Variants in KCNMA1 observed in about 807,000 individuals in gnomAD.
KCNMA1 encodes potassium calcium-activated channel subfamily M alpha 1.
KCNMA1 carries 29 observed loss-of-function variants against 140.0 expected under a neutral mutation model. The ratio of observed to expected loss-of-function variants is 0.21; its 90% CI spans 0.15 to 0.28. The LOEUF is 0.28. Among genes scored for constraint, KCNMA1 ranks in the 10% least tolerant of loss-of-function variants. The pLI is 1.00. For synonymous variants in KCNMA1, 612 were observed against 611.9 expected (o/e 1.00, Z 0.00); for missense variants, 880 against 1,602.2 (o/e 0.55, Z 7.70).
intron 25 of KCNMA1, chr10:76,904,699 T>C (rs1336204913): frequency 1.3e-5 from 2 of 152,160 alleles, no homozygotes; most frequent in African/African-American, 4.8e-5. Context: ...TCAATAACGA[T>C]GGTTCAGTGT....
chr10:77,053,773 C>T (rs887025797), intron 14 of KCNMA1, among the ~76,000 whole-genome samples: 1 of 152,160 alleles, frequency 6.6e-6, no homozygotes. Flanking sequence ...CAGCACCTAC[C>T]TCCATCTCTT....
At chr10:77,382,654 C>T (rs1465342557) in intron 2 of KCNMA1, among the ~76,000 whole-genome samples, 1 of 151,844 alleles carries the variant, frequency 6.6e-6, no homozygotes, top group Non-Finnish European at 1.5e-5. Context: ...CACCTGAGGT[C>T]AGGAGTTTGA....
intron 3 of KCNMA1, among the ~76,000 whole-genome samples, chr10:77,189,173 T>C (rs1025374233): frequency 1.3e-5 from 2 of 152,118 alleles, no homozygotes; most frequent in Non-Finnish European, 2.9e-5. Context: ...ATGCTGCTTA[T>C]CTGGGAACAC....
At chr10:77,078,454 C>T (rs992302466) in intron 13 of KCNMA1, among the ~76,000 whole-genome samples, 6 of 152,206 alleles carry the variant, frequency 3.9e-5, no homozygotes, top group Non-Finnish European at 8.8e-5. Flanking sequence ...TAGACTCTGA[C>T]TTTTGTCTTC....
chr10:77,073,417 C>T (rs2096278018), intron 13 of KCNMA1, among the ~76,000 whole-genome samples, 165 bp from the exon 14 acceptor site: 1 of 152,180 alleles, frequency 6.6e-6, no homozygotes, highest in African/African-American at 2.4e-5. Context: ...AACTCTTCTG[C>T]TCATCACACT....
chr10:77,279,732 G>T (rs1425169742), intron 2 of KCNMA1, among the ~76,000 whole-genome samples: 1 of 152,158 alleles, frequency 6.6e-6, no homozygotes, highest in Non-Finnish European at 1.5e-5. Context: ...CCAATGGGAG[G>T]TAATTAAATC....
intron 5 of KCNMA1, among the ~76,000 whole-genome samples, chr10:77,165,862 G>C (rs1410658919): frequency 6.6e-6 from 1 of 152,182 alleles, no homozygotes; most frequent in African/African-American, 2.4e-5. Flanking sequence ...ACTAAACCAG[G>C]CTTCAAAGAG....
At chr10:77,425,512 G>A (rs1461441913) in intron 1 of KCNMA1, among the ~76,000 whole-genome samples, 2 of 152,236 alleles carry the variant, frequency 1.3e-5, no homozygotes, top group Middle Eastern at 3.4e-3. Context: ...ATGCAGCTGA[G>A]GGGCCCTGCC....
intron 1 of KCNMA1, among the ~76,000 whole-genome samples, chr10:77,562,984 T>C (rs1480699292): frequency 1.3e-5 from 2 of 152,048 alleles, no homozygotes; most frequent in Non-Finnish European, 2.9e-5. Context: ...GGGGAAAAAA[T>C]TACGCTATGC....
At chr10:77,584,707 A>G (rs2076777964) in intron 1 of KCNMA1, among the ~76,000 whole-genome samples, 1 of 152,218 alleles carries the variant, frequency 6.6e-6, no homozygotes, top group African/African-American at 2.4e-5. Flanking sequence ...AATCCAGCCC[A>G]TACGCCATTC....
intron 23 of KCNMA1, among the ~76,000 whole-genome samples, chr10:76,926,738 G>T (rs188360891): frequency 6.6e-6 from 1 of 152,140 alleles, no homozygotes; most frequent in African/African-American, 2.4e-5. Context: ...TCATGGGGTT[G>T]TTCTTTTAAG....
chr10:77,350,060 G>A (rs960452470), intron 2 of KCNMA1, among the ~76,000 whole-genome samples: 5 of 151,926 alleles, frequency 3.3e-5, no homozygotes, highest in South Asian at 2.1e-4. Context: ...CACCACACCC[G>A]GCTAATTTTT....
intron 2 of KCNMA1, among the ~76,000 whole-genome samples, chr10:77,340,990 T>C (rs974414521): frequency 1.3e-5 from 2 of 151,988 alleles, no homozygotes; most frequent in African/African-American, 4.8e-5. Context: ...ATGTCCAGAG[T>C]GCAGGGAGAC....
At chr10:77,379,491 C>T (rs2095305350) in intron 2 of KCNMA1, among the ~76,000 whole-genome samples, 1 of 148,806 alleles carries the variant, frequency 6.7e-6, no homozygotes, top group Admixed American at 6.8e-5. Context: ...AAGCAGAAAA[C>T]AAGAGTAACA....
intron 1 of KCNMA1, among the ~76,000 whole-genome samples, chr10:77,428,758 G>C (rs1024118661): frequency 6.6e-6 from 1 of 152,046 alleles, no homozygotes; most frequent in Non-Finnish European, 1.5e-5. Context: ...TGAAAGGCTG[G>C]AATACCTTGA....
chr10:76,873,487 T>C (rs1231150029), downstream of KCNMA1: 1 of 152,166 alleles, frequency 6.6e-6, no homozygotes, highest in East Asian at 1.9e-4. Context: ...TACCAGAAGA[T>C]TGTAAGTAAA....
At chr10:77,360,527 C>T (rs817190) in intron 2 of KCNMA1, among the ~76,000 whole-genome samples, 31,782 of 152,118 alleles carry the variant, frequency 0.21, 3,549 homozygotes, top group Admixed American at 0.26. Context: ...TCTGCCTGGA[C>T]GCCTGCTGTA....
At chr10:76,935,328 G>C (rs2060279471) in intron 23 of KCNMA1, among the ~76,000 whole-genome samples, 1 of 152,230 alleles carries the variant, frequency 6.6e-6, no homozygotes, top group Non-Finnish European at 1.5e-5. Flanking sequence ...GTGCCCCCAT[G>C]ACCCTTGAAA....
intron 5 of KCNMA1, among the ~76,000 whole-genome samples, chr10:77,140,054 T>C (rs750737112): frequency 6.6e-6 from 1 of 152,210 alleles, no homozygotes; most frequent in Non-Finnish European, 1.5e-5. Context: ...CTCAATAACA[T>C]TCAGGAGCAC....
Sources: allele counts gnomAD v4.1 joint callset (sites outside exome capture counted in the v4.1 genomes callset), GRCh38; gene constraint gnomAD v4.1.1; transcripts MANE v1.5; gene names NCBI Gene and HGNC (gene_info 2026-07-23, HGNC 2026-07-21).